TLN2: variants seen among roughly 807,000 people sequenced by gnomAD.
The protein encoded by TLN2 is talin 2, also known as talin-2.
A neutral mutation model predicts 294.7 loss-of-function variants in TLN2; 118 were observed. The observed-to-expected ratio is 0.40, with a 90% CI of 0.34 to 0.47. The LOEUF (loss-of-function observed/expected upper bound fraction) is 0.47. Among genes scored for constraint, TLN2 ranks in the 20% least tolerant of loss-of-function variants. The pLI, the probability that TLN2 is intolerant of heterozygous loss-of-function variation, is 0.84. For synonymous variants in TLN2, 1,431 were observed against 1,304.5 expected, an observed-to-expected ratio of 1.10 and a Z score of -2.09; for missense variants, 3,083 against 3,282.2, an observed-to-expected ratio of 0.94 and a Z score of 1.48.
chr15:62,678,044 C>A (rs1212579847), intron 11 of TLN2, among the ~76,000 whole-genome samples: 1 of 152,022 alleles, frequency 6.6e-6, no homozygotes, highest in Non-Finnish European at 1.5e-5. Context: ...ATCCTCCTGC[C>A]TTGGCCTCCC....
chr15:62,656,229 CA>C (rs1352089128), intron 8 of TLN2, 143 bp downstream of exon 8: 1 of 1,058,568 alleles, frequency 9.4e-7, no homozygotes, highest in Middle Eastern at 2.3e-4. Flanking sequence ...TGGGTCCCCG[CA>C]TGTGTTTGGT....
chr15:62,677,944 CA>C (rs1467635640), intron 11 of TLN2, among the ~76,000 whole-genome samples: 1 of 151,322 alleles, frequency 6.6e-6, no homozygotes, highest in Non-Finnish European at 1.5e-5. Context: ...TACAGGCATG[CA>C]CCACCATGCC....
intron 9 of TLN2, among the ~76,000 whole-genome samples, chr15:62,670,349 C>T (rs973418017): frequency 8.5e-5 from 13 of 152,330 alleles, no homozygotes; most frequent in African/African-American, 2.9e-4. Context: ...CAGAGGCTCT[C>T]TGCTACTTAC....
chr15:62,439,352 G>T (rs2035440919), intron 1 of TLN2, among the ~76,000 whole-genome samples: 1 of 151,960 alleles, frequency 6.6e-6, no homozygotes, highest in Non-Finnish European at 1.5e-5. Flanking sequence ...TTGCTCTGTT[G>T]CCCAGGCTGG....
At chr15:62,713,054 G>A (rs544438729) in intron 22 of TLN2, among the ~76,000 whole-genome samples, 41 of 151,738 alleles carry the variant, frequency 2.7e-4, no homozygotes, top group Non-Finnish European at 4.6e-4. Flanking sequence ...GATCACCTGA[G>A]GTCAGGAGTT....
chr15:62,498,991 A>G (rs979556168), intron 1 of TLN2, among the ~76,000 whole-genome samples: 2 of 152,194 alleles, frequency 1.3e-5, no homozygotes, highest in Admixed American at 1.3e-4. Context: ...AAAGACCAAG[A>G]AGATATGGTC....
chr15:62,682,243 T>C (rs1040555065), intron 11 of TLN2, among the ~76,000 whole-genome samples: 1 of 152,250 alleles, frequency 6.6e-6, no homozygotes, highest in African/African-American at 2.4e-5. Context: ...AGCTTTATTT[T>C]TGGGCTCTGA....
intron 50 of TLN2, among the ~76,000 whole-genome samples, chr15:62,802,632 G>GT (rs2066010256): frequency 6.6e-6 from 1 of 152,136 alleles, no homozygotes; most frequent in Admixed American, 6.5e-5. Context: ...TCTAATTTTA[G>GT]TTTTTTGAGG....
intron 1 of TLN2, among the ~76,000 whole-genome samples, chr15:62,554,373 A>C (rs2042489809): frequency 6.7e-6 from 1 of 149,796 alleles, no homozygotes; most frequent in South Asian, 2.2e-4. Context: ...TGTTGATACC[A>C]GATATAGAAT....
chr15:62,835,573 C>T, intron 55 of TLN2, 164 bp from the exon 56 acceptor site: 1 of 721,546 alleles, frequency 1.4e-6, no homozygotes, highest in East Asian at 2.5e-5. Flanking sequence ...TTGGCATGGC[C>T]TGAGTCCCAC....
In TLN2 at chr15:62,697,733, G is replaced by C. The variant is rs747181621; in HGVS notation, c.1338G>C (p.Glu446Asp). ...QQQFNRTGKA[E>D]HGSVALPAVM... ...AGTTCAACCGGACCGGGAAGGCAGA[G>C]CACGGCTCAGTGGCGCTGCCGGCCG... is the stretch of plus-strand genomic sequence containing the variant. The change falls in exon 15 of 59, where the codon GAG (glutamate) becomes GAC (aspartate). Residue 446 changes from glutamate (E) to aspartate (D), a missense_variant. By Grantham distance (45) the Glu-to-Asp change is conservative. Transcript: ENST00000636159. 3.7e-6 allele frequency: 6 copies of C among 1,609,512 alleles called. No homozygotes were observed. In the Middle Eastern group the frequency reaches 6.6e-4, roughly 177 times the overall value.
intron 2 of TLN2, among the ~76,000 whole-genome samples, chr15:62,615,709 C>G (rs2048261573): frequency 6.6e-6 from 1 of 152,200 alleles, no homozygotes; most frequent in Non-Finnish European, 1.5e-5. Flanking sequence ...AACATAAACA[C>G]TCATGTTTAT....
At chr15:62,789,622 G>A (rs777192324) in intron 45 of TLN2, among the ~76,000 whole-genome samples, 1 of 152,192 alleles carries the variant, frequency 6.6e-6, no homozygotes, top group African/African-American at 2.4e-5. Flanking sequence ...CAGCTCAAGA[G>A]CGGGTCCTCC....
At chr15:62,608,263 T>A (rs2047621008) in intron 2 of TLN2, among the ~76,000 whole-genome samples, 1 of 151,640 alleles carries the variant, frequency 6.6e-6, no homozygotes. Context: ...AGACAGAGAG[T>A]TAGGGTTGAT....
chr15:62,675,159 C>A, intron 10 of TLN2, 58 bp from the exon 11 acceptor site: 1 of 1,535,954 alleles, frequency 6.5e-7, no homozygotes, highest in East Asian at 2.2e-5. Context: ...TACCTCTCTC[C>A]AAGTCCACCT....
intron 1 of TLN2, among the ~76,000 whole-genome samples, chr15:62,404,005 A>C (rs989937994): frequency 6.6e-6 from 1 of 152,158 alleles, no homozygotes; most frequent in Non-Finnish European, 1.5e-5. Flanking sequence ...CATGATAGGT[A>C]CTCGACAAAA....
intron 1 of TLN2, among the ~76,000 whole-genome samples, chr15:62,573,329 G>C (rs537160989): frequency 9.2e-5 from 14 of 152,120 alleles, no homozygotes; most frequent in African/African-American, 3.1e-4. Flanking sequence ...GGGAATGCAG[G>C]TGTTGTGCCC....
chr15:62,495,793 A>G (rs1434126185), intron 1 of TLN2, among the ~76,000 whole-genome samples: 1 of 152,284 alleles, frequency 6.6e-6, no homozygotes, highest in Middle Eastern at 3.4e-3. Flanking sequence ...CCCTTTTATT[A>G]ACGAAATTGT....
intron 2 of TLN2, among the ~76,000 whole-genome samples, chr15:62,594,696 TA>T (rs2046340515): frequency 6.6e-6 from 1 of 152,138 alleles, no homozygotes; most frequent in Non-Finnish European, 1.5e-5. Context: ...CCTGAAACAG[TA>T]AAACTGTTAA....
Sources: gnomAD v4.1 joint callset for allele counts (sites outside exome capture counted in the v4.1 genomes callset) on GRCh38, gnomAD v4.1.1 for gene constraint, MANE v1.5 for transcripts, NCBI Gene and HGNC (gene_info 2026-07-23, HGNC 2026-07-21) for gene names.